The following RFPL4AL1 variants were observed in gnomAD, a reference collection of about 807,000 sequenced individuals.
The protein encoded by RFPL4AL1 is ret finger protein-like 4A-like protein 1.
In RFPL4AL1, 2 loss-of-function variants were observed where a neutral mutation model predicts 8.2. That is an observed-to-expected ratio of 0.24 (90% CI 0.10 to 0.77). RFPL4AL1 has a LOEUF of 0.77. Ranked by LOEUF, RFPL4AL1 falls within the 30% of genes least tolerant of loss-of-function variation. RFPL4AL1 has a pLI of 0.72. For synonymous variants in RFPL4AL1, 25 were observed against 131.8 expected (o/e 0.19, Z 5.55); for missense variants, 57 against 350.3 (o/e 0.16, Z 6.68).
At chr19:55,770,414 G>A (rs1989469356) in intron 1 of RFPL4AL1, among the ~76,000 whole-genome samples, 1 of 151,934 alleles carries the variant, frequency 6.6e-6, no homozygotes, top group African/African-American at 2.4e-5. Context: ...CAGAGCAAAA[G>A]CACACTGTTA....
chr19:55,769,894 T>A (rs2547279), intron 1 of RFPL4AL1, among the ~76,000 whole-genome samples: 1 of 151,308 alleles, frequency 6.6e-6, no homozygotes, highest in Admixed American at 6.6e-5. Flanking sequence ...AATTGCCTTC[T>A]TTTTTATGGT....
rs1279628911 is a variant in RFPL4AL1, at chr19:55,773,327, T to C, written c.*148T>C. The C allele has an allele frequency of 7.9e-6, 4 of 505,702 alleles. No individual in the cohort carries two copies. The Admixed American group carries it at 1.1e-4, about 14-fold the overall frequency. The allele number at this position is 505,702 out of a possible 1,614,324, so 31.3% of individuals were successfully genotyped here. ...AACCATGAACAGAAAGCAATTATAT[T>C]AATGAGGGGAAAATTACATTGTACT... On this transcript the variant is annotated 3_prime_UTR_variant, in exon 3 of 3. Coordinates refer to ENST00000341750, the MANE Select transcript of RFPL4AL1 (RefSeq NM_001277397.2).
rs1303554931 is a variant in RFPL4AL1, at chr19:55,772,881, T to G, written c.566T>G (p.Val189Gly). The G allele has an allele frequency of 3.9e-6, 6 of 1,550,208 alleles. No homozygotes were observed. The highest frequency in any genetic ancestry group is 2.4e-5 in the East Asian group (1 of 40,882). Residue 189 changes from valine to glycine, a missense_variant, in exon 3 of 3, where the codon GTG becomes GGG. Physicochemically the swap from Val to Gly is moderately radical, Grantham distance 109 (BLOSUM62 -3). Transcript: ENST00000341750. Reference protein sequence around the residue: ...ELSSEHGFLTVGCREGKVFAA... With the variant: ...ELSSEHGFLTGGCREGKVFAA... The stretch of plus-strand genomic sequence containing the variant: ...TCTTCAGAACACGGCTTCTTGACTG[T>G]GGGTTGCAGAGAAGGAAAGGTCTTT...
Position 55,769,358 on chromosome 19 carries a change from C to T in RFPL4AL1, c.-10+183C>T. Reference sequence around the variant, plus strand: ...TAGGCAACTCTTAGATTTTCAATACCAAGGCAAGAGACTTGACAATCTCCA... The same window carrying T: ...TAGGCAACTCTTAGATTTTCAATACTAAGGCAAGAGACTTGACAATCTCCA... On this transcript the variant is annotated intron_variant, in intron 1 of 2. Coordinates refer to ENST00000341750, the MANE Select transcript of RFPL4AL1 (RefSeq NM_001277397.2). Among the ~76,000 whole-genome samples the T allele has an allele frequency of 1.3e-5, 2 of 151,912 alleles. 1 individual carries two copies. Among genetic ancestry groups the T allele is most frequent in the Non-Finnish European group, 2.9e-5 (2 of 67,946 alleles).
At chr19:55,770,825 G>A (rs946372200) in intron 1 of RFPL4AL1, among the ~76,000 whole-genome samples, 15 of 152,014 alleles carry the variant, frequency 9.9e-5, no homozygotes, top group African/African-American at 2.7e-4. Flanking sequence ...ATTCTCTTGC[G>A]ACCACACAGT....
intron 1 of RFPL4AL1, among the ~76,000 whole-genome samples, chr19:55,770,354 C>T (rs1215974210): frequency 6.6e-6 from 1 of 151,868 alleles, no homozygotes; most frequent in Non-Finnish European, 1.5e-5. Context: ...GTCGGGAGAA[C>T]GAATTCAGGG....
chr19:55,770,057 C>T (rs1989461695), intron 1 of RFPL4AL1, among the ~76,000 whole-genome samples: 1 of 151,894 alleles, frequency 6.6e-6, no homozygotes, highest in Non-Finnish European at 1.5e-5. Context: ...CACATAGAAA[C>T]ACAGAAGTAG....
At position 55,772,083 on chromosome 19, in the gene RFPL4AL1, G is replaced by A; in HGVS notation, c.279G>A (p.Lys93=). Reference sequence around the variant, plus strand: ...TAACAATGAACCCAAGGATGAGGAAGTTTCAAGGTAAGGAATCTATAGGAC... The same window carrying A: ...TAACAATGAACCCAAGGATGAGGAAATTTCAAGGTAAGGAATCTATAGGAC... The part of the protein sequence containing the change: ...SVLTMNPRMR[K]FQVDMTFDVD... The change falls in exon 2 of 3, where the codon AAG becomes AAA. Residue 93 remains lysine, a synonymous_variant. Coordinates refer to ENST00000341750, the MANE Select transcript of RFPL4AL1 (RefSeq NM_001277397.2). The A allele has an allele frequency of 1.4e-6, 2 of 1,459,448 alleles. No individual in the cohort carries two copies. The highest frequency in any genetic ancestry group is 2.5e-5 in the South Asian group (2 of 78,552). The allele number at this position is 1,459,448 out of a possible 1,614,324, so 90.4% of individuals were successfully genotyped here.
At chr19:55,769,562 G>A (rs914651780) in intron 1 of RFPL4AL1, among the ~76,000 whole-genome samples, 3 of 151,452 alleles carry the variant, frequency 2.0e-5, no homozygotes, top group African/African-American at 7.3e-5. Flanking sequence ...TTTTTGTTCA[G>A]TTTTTTGTTC....
chr19:55,769,223 T>C (rs1309569120), intron 1 of RFPL4AL1, 48 bp downstream of exon 1: 2 of 151,712 alleles, frequency 1.3e-5, no homozygotes, highest in Non-Finnish European at 2.9e-5. Context: ...CGTATGAGAA[T>C]CTAGGGGAAT....
At chr19:55,772,230 A>C in intron 2 of RFPL4AL1, 140 bp downstream of exon 2, 1 of 632,654 alleles carries the variant, frequency 1.6e-6, no homozygotes, top group Admixed American at 3.4e-5. Context: ...AGCAGTTCTC[A>C]CCTTTGCGTA....
At chr19:55,771,773 CG>C in intron 1 of RFPL4AL1, 22 bp from the exon 2 acceptor site, 1 of 1,551,312 alleles carries the variant, frequency 6.4e-7, no homozygotes, top group Non-Finnish European at 8.7e-7. Context: ...ATTCTAATTC[CG>C]TGTTCATTTT....
chr19:55,769,577 T>C (rs1214142940), intron 1 of RFPL4AL1, among the ~76,000 whole-genome samples: 6 of 151,846 alleles, frequency 4.0e-5, no homozygotes, highest in Non-Finnish European at 7.4e-5. Flanking sequence ...TTGTTCCTTT[T>C]AATTCAGAAG....
At chr19:55,771,365 A>G (rs1378230180) in intron 1 of RFPL4AL1, among the ~76,000 whole-genome samples, 1 of 152,154 alleles carries the variant, frequency 6.6e-6, no homozygotes, top group Non-Finnish European at 1.5e-5. Flanking sequence ...ATCATTTAAG[A>G]TGTGAGCAAC....
Position 55,773,228 on chromosome 19 carries a change from G to C in RFPL4AL1, c.*49G>C. On this transcript the variant is annotated 3_prime_UTR_variant, in exon 3 of 3. Coordinates refer to ENST00000341750, the MANE Select transcript of RFPL4AL1 (RefSeq NM_001277397.2). ...TTTAGGAAGTTTCAGTGCCCCCATA[G>C]CCATAGCTAAGAACTTTTCCGCTAG... 5 of 1,193,120 alleles carry C rather than the reference G, an allele frequency of 4.2e-6. No homozygotes were observed. Among genetic ancestry groups the C allele is most frequent in the Non-Finnish European group, 5.9e-6 (5 of 843,052 alleles). The allele number at this position is 1,193,120 out of a possible 1,614,324, so 73.9% of individuals were successfully genotyped here. A position where few individuals can be genotyped will look rare whatever the true frequency, so the allele number is the denominator to read the frequency against.
Position 55,771,850 on chromosome 19 carries a change from A to G in RFPL4AL1, c.46A>G (p.Lys16Glu), listed in dbSNP as rs1989505024. The change falls in exon 2 of 3, where the codon AAA becomes GAA. Residue 16 changes from lysine to glutamate, a missense_variant. Transcript: ENST00000341750. The part of the protein sequence containing the change: ...KQIIRCPVCL[K>E]DLEEAVQLKC... Reference sequence around the variant, plus strand: ...GATCATTAGATGTCCTGTCTGTCTAAAAGATCTTGAAGAAGCCGTGCAACT... The same window carrying G: ...GATCATTAGATGTCCTGTCTGTCTAGAAGATCTTGAAGAAGCCGTGCAACT... The G allele has an allele frequency of 1.3e-6, 2 of 1,550,290 alleles. No homozygotes were observed. The highest frequency in any genetic ancestry group is 3.9e-5 in the Admixed American group (2 of 50,654).
chr19:55,771,363 A>G (rs1989494648), intron 1 of RFPL4AL1, among the ~76,000 whole-genome samples: 1 of 152,290 alleles, frequency 6.6e-6, no homozygotes, highest in South Asian at 2.1e-4. Flanking sequence ...TAATCATTTA[A>G]GATGTGAGCA....
At chr19:55,771,260 C>G (rs1217172650) in intron 1 of RFPL4AL1, among the ~76,000 whole-genome samples, 1 of 151,994 alleles carries the variant, frequency 6.6e-6, no homozygotes, top group African/African-American at 2.4e-5. Flanking sequence ...CCAATAGAAT[C>G]TTAAGATAAC....
intron 1 of RFPL4AL1, among the ~76,000 whole-genome samples, chr19:55,770,228 C>T (rs532498999): frequency 3.4e-4 from 51 of 152,044 alleles, no homozygotes; most frequent in African/African-American, 1.2e-3. Flanking sequence ...TTGATCATAG[C>T]CATCCTAGCA....
Sources: gnomAD v4.1 joint callset for allele counts (sites outside exome capture counted in the v4.1 genomes callset) on GRCh38, gnomAD v4.1.1 for gene constraint, MANE v1.5 for transcripts, NCBI Gene and HGNC (gene_info 2026-07-23, HGNC 2026-07-21) for gene names.